The following LMCD1 variants were observed in gnomAD, a reference collection of about 807,000 sequenced individuals.
LMCD1 encodes the protein LIM and cysteine rich domains 1, also known as LIM and cysteine-rich domains protein 1.
A neutral mutation model predicts 42.7 loss-of-function variants in LMCD1; 32 were observed. The observed-to-expected ratio is 0.75, with a 90% CI of 0.57 to 1.01. LMCD1 has a LOEUF of 1.01. LMCD1 is among the 50% of genes least tolerant of loss of function. The pLI is 0.00. For missense variants in LMCD1, 458 were observed against 483.1 expected (o/e 0.95, Z 0.49); for synonymous variants, 178 against 184.9 (o/e 0.96, Z 0.30).
chr3:8,520,322 T>A (rs1370253740), intron 1 of LMCD1, among the ~76,000 whole-genome samples: 1 of 151,742 alleles, frequency 6.6e-6, no homozygotes, highest in Non-Finnish European at 1.5e-5. Context: ...ACTAGGGAGG[T>A]ATAATAAGTA....
chr3:8,547,591 G>A (rs1694760159), intron 3 of LMCD1, among the ~76,000 whole-genome samples: 1 of 152,160 alleles, frequency 6.6e-6, no homozygotes, highest in South Asian at 2.1e-4. Flanking sequence ...TTGTGTGAAT[G>A]TCAAAGAATG....
chr3:8,518,726 T>C (rs997698857), intron 1 of LMCD1, among the ~76,000 whole-genome samples: 2 of 152,100 alleles, frequency 1.3e-5, no homozygotes, highest in Admixed American at 6.5e-5. Flanking sequence ...GAGAGAATAG[T>C]TGAAACTATG....
At chr3:8,515,644 TAATG>T (rs2125013533) in intron 1 of LMCD1, among the ~76,000 whole-genome samples, 1 of 152,178 alleles carries the variant, frequency 6.6e-6, no homozygotes, top group Non-Finnish European at 1.5e-5. Flanking sequence ...TCAGTGATAA[TAATG>T]GATAGAAAAG....
intron 4 of LMCD1, among the ~76,000 whole-genome samples, chr3:8,559,035 C>G (rs1349571439): frequency 6.6e-6 from 1 of 151,976 alleles, no homozygotes; most frequent in African/African-American, 2.4e-5. Context: ...TCTCCAGGGG[C>G]AGGATCAGAT....
At chr3:8,540,100 A>G (rs1031658690) in intron 3 of LMCD1, among the ~76,000 whole-genome samples, 5 of 152,058 alleles carry the variant, frequency 3.3e-5, no homozygotes, top group African/African-American at 9.7e-5. Context: ...ATGAAGCTGG[A>G]AACCATCATT....
Position 8,567,956 on chromosome 3 carries a change from T to C in LMCD1, c.*358T>C, listed in dbSNP as rs2125042355. On this transcript the variant is annotated 3_prime_UTR_variant, in exon 6 of 6. Coordinates refer to ENST00000157600, the MANE Select transcript of LMCD1 (RefSeq NM_014583.4). ...TGCAATTCCGAGTGAGCAAATCGCATAGCTGTAGAATGTGCGTGCTTTTTT... is the reference window on the plus strand; with the variant it reads ...TGCAATTCCGAGTGAGCAAATCGCACAGCTGTAGAATGTGCGTGCTTTTTT... 1 of 164,922 alleles carries C rather than the reference T, an allele frequency of 6.1e-6. No homozygotes were observed. Among genetic ancestry groups the C allele is most frequent in the South Asian group, 1.9e-4 (1 of 5,270 alleles). 10.2% of individuals were successfully genotyped at this position (164,922 alleles called of 1,614,324 possible).
At chr3:8,552,282 T>C (rs1352686919) in intron 4 of LMCD1, among the ~76,000 whole-genome samples, 2 of 152,192 alleles carry the variant, frequency 1.3e-5, no homozygotes, top group African/African-American at 4.8e-5. Context: ...ATCAAGTCTA[T>C]GTTCTTTCCC....
chr3:8,501,932 G>C lies in LMCD1; in HGVS notation c.-7G>C, dbSNP rs749874226. 13 of 1,592,518 alleles carry C rather than the reference G, an allele frequency of 8.2e-6. No individual in the cohort carries two copies. In the East Asian group the frequency reaches 1.4e-4, roughly 17 times the overall value. On this transcript the variant is annotated 5_prime_UTR_variant, in exon 1 of 6. Transcript: ENST00000157600. ...AGCCAGGCGCTGTTCCCCCACCCCAGAAGAGGATGGCAAAGGTGGCTAAGG... is the reference window on the plus strand; with the variant it reads ...AGCCAGGCGCTGTTCCCCCACCCCACAAGAGGATGGCAAAGGTGGCTAAGG...
rs1695266283 is a variant in LMCD1, at chr3:8,574,256, G to A, written c.*6658G>A. The A allele has an allele frequency of 6.6e-6, 1 of 152,270 alleles. No homozygotes were observed. The highest frequency in any genetic ancestry group is 2.4e-5 in the African/African-American group (1 of 41,444). The allele number at this position is 152,270 out of a possible 1,614,324, so 9.4% of individuals were successfully genotyped here. A position where few individuals can be genotyped will look rare whatever the true frequency, so the allele number is the denominator to read the frequency against. On this transcript the variant is annotated 3_prime_UTR_variant, in exon 6 of 6. Coordinates refer to ENST00000157600, the MANE Select transcript of LMCD1 (RefSeq NM_014583.4). ...CCTTGACCAATCTCTGTGCCCAGAG[G>A]GCAGGGTACTCTGATTGGCAATACC...
chr3:8,524,040 G>A (rs926349126), intron 1 of LMCD1, among the ~76,000 whole-genome samples: 7 of 152,050 alleles, frequency 4.6e-5, no homozygotes, highest in Non-Finnish European at 1.0e-4. Flanking sequence ...TTCAAACAAT[G>A]GAAGAAGTCC....
At chr3:8,536,399 G>GC (rs1694508642) in intron 2 of LMCD1, among the ~76,000 whole-genome samples, 1 of 152,186 alleles carries the variant, frequency 6.6e-6, no homozygotes, top group Non-Finnish European at 1.5e-5. Flanking sequence ...TCAAAGAGAA[G>GC]CATGAGGCTT....
At chr3:8,503,074 G>A (rs1693798349) in intron 1 of LMCD1, among the ~76,000 whole-genome samples, 1 of 152,234 alleles carries the variant, frequency 6.6e-6, no homozygotes, top group Non-Finnish European at 1.5e-5. Flanking sequence ...CCTCATGGCA[G>A]TGGTAGCAGG....
At chr3:8,512,539 G>A (rs962947675) in intron 1 of LMCD1, among the ~76,000 whole-genome samples, 1 of 152,176 alleles carries the variant, frequency 6.6e-6, no homozygotes, top group Non-Finnish European at 1.5e-5. Context: ...AAAGGGCAAG[G>A]TTTGATGGAA....
intron 1 of LMCD1, among the ~76,000 whole-genome samples, chr3:8,522,126 A>C (rs1694219689): frequency 6.6e-6 from 1 of 152,224 alleles, no homozygotes; most frequent in Admixed American, 6.5e-5. Context: ...GGTCTTAAAC[A>C]GAGAAAGCTT....
At chr3:8,528,529 T>G (rs1184101637) in intron 1 of LMCD1, among the ~76,000 whole-genome samples, 2 of 152,030 alleles carry the variant, frequency 1.3e-5, no homozygotes, top group African/African-American at 4.8e-5. Flanking sequence ...TTATTTCAAT[T>G]TACTGCCTTT....
At chr3:8,523,852 C>T (rs537542263) in intron 1 of LMCD1, among the ~76,000 whole-genome samples, 2 of 152,330 alleles carry the variant, frequency 1.3e-5, no homozygotes, top group Non-Finnish European at 2.9e-5. Flanking sequence ...TCTGGTGACA[C>T]ACAGGACCTG....
In LMCD1 at chr3:8,502,600, ACACACACG is replaced by A. The variant is rs1229661906; in HGVS notation, c.42+624_42+631del. On this transcript the variant is annotated intron_variant, in intron 1 of 5. Transcript: ENST00000157600. ...CACACACACACACACACACACACAC[ACACACACG>A]CACGCAGTTTCTTTAGTTGGTGATG... 6.4e-3 allele frequency among the ~76,000 whole-genome samples: 792 copies of A among 124,470 alleles called. 6 individuals carry two copies. The highest frequency in any genetic ancestry group is 9.8e-3 in the South Asian group (42 of 4,286). 81.7% of individuals were successfully genotyped at this position (124,470 alleles called of 152,430 possible).
chr3:8,551,269 C>T (rs1435783843), intron 4 of LMCD1: 27 of 985,194 alleles, frequency 2.7e-5, no homozygotes, highest in African/African-American at 1.0e-4. Context: ...ATATGTGACC[C>T]ATGAATGAAA....
At chr3:8,513,800 A>C (rs1464614465) in intron 1 of LMCD1, among the ~76,000 whole-genome samples, 1 of 152,222 alleles carries the variant, frequency 6.6e-6, no homozygotes, top group Admixed American at 6.5e-5. Flanking sequence ...CTCTGGAGGC[A>C]GTACTCAATA....
Sources: gnomAD v4.1 joint callset for allele counts (sites outside exome capture counted in the v4.1 genomes callset) on GRCh38, gnomAD v4.1.1 for gene constraint, MANE v1.5 for transcripts, NCBI Gene and HGNC (gene_info 2026-07-23, HGNC 2026-07-21) for gene names.